RNF150: variants seen among roughly 807,000 people sequenced by gnomAD.
The protein encoded by RNF150 is ring finger protein 150.
Under a neutral mutation model 39.3 loss-of-function variants are expected in RNF150, and 24 were observed. The ratio of observed to expected loss-of-function variants is 0.61; its 90% CI spans 0.44 to 0.86. The LOEUF is 0.86. Ranked by LOEUF, RNF150 falls within the 40% of genes least tolerant of loss-of-function variation. The probability of loss-of-function intolerance (pLI) is 0.00; values close to 1 mark genes in which losing one functional copy is unlikely to be tolerated. For missense variants in RNF150, 502 were observed against 587.8 expected, an observed-to-expected ratio of 0.85 and a Z score of 1.51; for synonymous variants, 255 against 227.3, an observed-to-expected ratio of 1.12 and a Z score of -1.10.
chr4:140,934,870 A>G (rs1262704991), intron 4 of RNF150, among the ~76,000 whole-genome samples: 2 of 151,024 alleles, frequency 1.3e-5, no homozygotes, highest in South Asian at 2.1e-4. Flanking sequence ...TTAATAAAAT[A>G]CAGGGGCAAT....
chr4:141,137,623 A>C (rs1045039022), upstream of RNF150, among the ~76,000 whole-genome samples: 1 of 152,216 alleles, frequency 6.6e-6, no homozygotes, highest in African/African-American at 2.4e-5. Flanking sequence ...GGTTCTATTC[A>C]AGGTGCCTAG....
intron 1 of RNF150, among the ~76,000 whole-genome samples, chr4:140,970,957 C>A (rs1426588388): frequency 2.0e-5 from 3 of 151,864 alleles, no homozygotes; most frequent in Non-Finnish European, 4.4e-5. Context: ...AAAAGTGATA[C>A]TAGGGATATG....
intron 1 of RNF150, among the ~76,000 whole-genome samples, chr4:141,097,981 G>GC (rs538875294): frequency 5.9e-5 from 9 of 152,072 alleles, no homozygotes; most frequent in Admixed American, 1.3e-4. Context: ...TCCTTCAGAT[G>GC]CCCCCCTCCC....
chr4:140,904,714 CTT>C (rs1257255823), intron 6 of RNF150, among the ~76,000 whole-genome samples: 1 of 152,194 alleles, frequency 6.6e-6, no homozygotes, highest in Non-Finnish European at 1.5e-5. Context: ...CCAACCCTCC[CTT>C]TTTCTCTCAA....
intron 1 of RNF150, among the ~76,000 whole-genome samples, chr4:141,161,126 C>T (rs550447750): frequency 9.1e-4 from 139 of 152,154 alleles, no homozygotes; most frequent in African/African-American, 3.2e-3. Flanking sequence ...GTGACCGAAG[C>T]GCTGATAGTG....
At chr4:140,923,903 T>C (rs1731269903) in intron 5 of RNF150, among the ~76,000 whole-genome samples, 1 of 150,750 alleles carries the variant, frequency 6.6e-6, no homozygotes, top group Non-Finnish European at 1.5e-5. Context: ...TTCTCACTCA[T>C]AGGTGGGAAT....
intron 1 of RNF150, among the ~76,000 whole-genome samples, chr4:141,017,510 T>C (rs1385228992): frequency 6.6e-6 from 1 of 152,182 alleles, no homozygotes; most frequent in Non-Finnish European, 1.5e-5. Context: ...CACATGATTA[T>C]CAACCGAAGT....
intron 6 of RNF150, among the ~76,000 whole-genome samples, chr4:140,870,513 G>C (rs1355679928): frequency 2.0e-5 from 3 of 151,958 alleles, no homozygotes; most frequent in Non-Finnish European, 4.4e-5. Flanking sequence ...CTTCTCCAGA[G>C]CCACCTGGTG....
chr4:141,065,805 C>T (rs1296761948), intron 1 of RNF150, among the ~76,000 whole-genome samples: 1 of 151,926 alleles, frequency 6.6e-6, no homozygotes, highest in Non-Finnish European at 1.5e-5. Context: ...CGACTCCCTC[C>T]GCTTGGATGA....
At chr4:140,955,812 G>A (rs1366416026) in intron 2 of RNF150, among the ~76,000 whole-genome samples, 1 of 152,176 alleles carries the variant, frequency 6.6e-6, no homozygotes, top group Non-Finnish European at 1.5e-5. Context: ...TCTTTGTGAA[G>A]TTCATGTTTA....
At chr4:141,044,044 T>C (rs1313206340) in intron 1 of RNF150, among the ~76,000 whole-genome samples, 3 of 152,188 alleles carry the variant, frequency 2.0e-5, no homozygotes, top group South Asian at 2.1e-4. Flanking sequence ...ATGTATTCTA[T>C]TGATATCTAT....
intron 6 of RNF150, among the ~76,000 whole-genome samples, chr4:140,880,284 G>A (rs1479788100): frequency 1.3e-5 from 2 of 152,068 alleles, no homozygotes; most frequent in African/African-American, 2.4e-5. Context: ...TTCTGTTAAT[G>A]TGGTGTATTA....
chr4:141,174,847 A>G (rs745580871), intron 1 of RNF150, among the ~76,000 whole-genome samples: 1 of 151,812 alleles, frequency 6.6e-6, no homozygotes, highest in Non-Finnish European at 1.5e-5. Context: ...GGCATCTGCA[A>G]TCTCAGTTGT....
chr4:140,949,648 C>T (rs1322889934), intron 2 of RNF150, among the ~76,000 whole-genome samples: 1 of 150,698 alleles, frequency 6.6e-6, no homozygotes, highest in Admixed American at 6.7e-5. Flanking sequence ...TACAGTTCTA[C>T]AGTGCAGGTT....
chr4:140,871,002 C>CTATA (rs762860233), intron 6 of RNF150, among the ~76,000 whole-genome samples: 1 of 144,274 alleles, frequency 6.9e-6, no homozygotes, highest in African/African-American at 2.7e-5. Flanking sequence ...CTCTCTCTCT[C>CTATA]TATATATATA....
At chr4:141,045,226 C>T (rs1295393652) in intron 1 of RNF150, among the ~76,000 whole-genome samples, 1 of 152,252 alleles carries the variant, frequency 6.6e-6, no homozygotes. Flanking sequence ...ATCAAAATAC[C>T]AGAAACACCT....
At chr4:140,908,748 C>A (rs536362534) in intron 6 of RNF150, among the ~76,000 whole-genome samples, 26 of 152,094 alleles carry the variant, frequency 1.7e-4, no homozygotes, top group African/African-American at 6.3e-4. Flanking sequence ...TGTATTTTAA[C>A]CCACAATATA....
intron 1 of RNF150, among the ~76,000 whole-genome samples, chr4:141,073,237 G>A (rs1056607930): frequency 6.6e-6 from 1 of 152,146 alleles, no homozygotes; most frequent in African/African-American, 2.4e-5. Flanking sequence ...TCAGTTTTCT[G>A]CGAAGGGTCA....
intron 1 of RNF150, among the ~76,000 whole-genome samples, chr4:141,086,871 C>G (rs1212873638): frequency 6.6e-6 from 1 of 152,056 alleles, no homozygotes; most frequent in Non-Finnish European, 1.5e-5. Context: ...AGTGGTACTT[C>G]AGGAAACCTT....
Sources: gnomAD v4.1 joint callset for allele counts (sites outside exome capture counted in the v4.1 genomes callset) on GRCh38, gnomAD v4.1.1 for gene constraint, MANE v1.5 for transcripts, NCBI Gene and HGNC (gene_info 2026-07-23, HGNC 2026-07-21) for gene names.